The following NKIRAS2 variants were observed in gnomAD, a reference collection of about 807,000 sequenced individuals.
NKIRAS2 encodes NFKB inhibitor interacting Ras like 2.
Under a neutral mutation model 20.7 loss-of-function variants are expected in NKIRAS2, and 15 were observed. The ratio of observed to expected loss-of-function variants is 0.73; its 90% CI spans 0.49 to 1.12. The LOEUF (loss-of-function observed/expected upper bound fraction) is 1.12, where lower values mean the gene tolerates loss of function less well. Ranked by LOEUF, NKIRAS2 falls within the 50% of genes most tolerant of loss-of-function variation. NKIRAS2 has a pLI of 0.00. For missense variants in NKIRAS2, 196 were observed against 249.6 expected (o/e 0.79, Z 1.45); for synonymous variants, 116 against 101.4 (o/e 1.14, Z -0.87).
In NKIRAS2 at chr17:42,023,959, T is replaced by G. The variant is rs2052519796; in HGVS notation, c.*66T>G. ...GTGTCTGGGGCTCTGGTAGATGTGT[T>G]GAGGGCAAAGTAGAGGACAAGCTGT... On this transcript the variant is annotated 3_prime_UTR_variant, in exon 4 of 4. Transcript: ENST00000393885. 1 of 1,581,412 alleles carries G rather than the reference T, an allele frequency of 6.3e-7. No individual in the cohort carries two copies. Among genetic ancestry groups the G allele is most frequent in the Non-Finnish European group, 8.6e-7 (1 of 1,164,192 alleles).
chr17:42,022,678 C>T, intron 3 of NKIRAS2, 38 bp downstream of exon 3: 1 of 1,588,110 alleles, frequency 6.3e-7, no homozygotes, highest in Non-Finnish European at 8.6e-7. Context: ...CCTCAGTGGT[C>T]AGAGAGTTTG....
upstream of NKIRAS2, among the ~76,000 whole-genome samples, chr17:42,018,220 G>T (rs1281370740): frequency 6.6e-6 from 1 of 152,050 alleles, no homozygotes; most frequent in African/African-American, 2.4e-5. Context: ...TACTCATCAC[G>T]CTTGCCTTGC....
chr17:42,018,286 T>C (rs1555652373), upstream of NKIRAS2, among the ~76,000 whole-genome samples: 3 of 152,148 alleles, frequency 2.0e-5, no homozygotes, highest in Non-Finnish European at 4.4e-5. Flanking sequence ...TTAACTGTCT[T>C]TGTTGTTATT....
intron 2 of NKIRAS2, chr17:42,021,986 G>A: frequency 1.7e-6 from 1 of 582,268 alleles, no homozygotes; most frequent in Non-Finnish European, 3.3e-6. Flanking sequence ...GAGGCGGGTG[G>A]ATCACCTCAG....
intron 2 of NKIRAS2, 21 bp downstream of exon 2, chr17:42,021,692 A>G (rs781867891): frequency 5.8e-5 from 92 of 1,591,700 alleles, no homozygotes; most frequent in Admixed American, 8.3e-5. Flanking sequence ...TTGGAGGGGG[A>G]GGAACAGTGG....
Position 42,023,730 on chromosome 17 carries a change from G to A in NKIRAS2, c.413G>A (p.Trp138Ter). 2.5e-6 allele frequency: 4 copies of A among 1,614,158 alleles called. No homozygotes were observed. The highest frequency in any genetic ancestry group is 3.4e-6 in the Non-Finnish European group (4 of 1,180,026). The change falls in exon 4 of 4, where the codon TGG becomes TAG. Residue 138 changes from tryptophan to a stop codon, truncating the protein, a stop_gained. Transcript: ENST00000393885. LOFTEE classifies it high-confidence loss of function. ...GTAGACCCAGATGTGGCTCAGCACT[G>A]GGCCAAGTCAGAGAAGGTGAAGCTG... ...RRVDPDVAQH[W>*]AKSEKVKLWE...
Position 42,023,823 on chromosome 17 carries a change from C to G in NKIRAS2, c.506C>G (p.Thr169Arg). Residue 169 changes from threonine to arginine, a missense_variant, in exon 4 of 4, where the codon ACG becomes AGG. By Grantham distance (71) the Thr-to-Arg change is moderately conservative (BLOSUM62 -1). Coordinates refer to ENST00000393885, the MANE Select transcript of NKIRAS2 (RefSeq NM_017595.6). ...TTTGTCTACTTGGCCAGCAAGATGA[C>G]GCAACCCCAGAGCAAGTCTGCCTTC... ...EPFVYLASKM[T>R]QPQSKSAFPL... is the part of the protein sequence containing the mutation. 1 of 1,614,124 alleles carries G rather than the reference C, an allele frequency of 6.2e-7. No homozygotes were observed. Among genetic ancestry groups the G allele is most frequent in the Non-Finnish European group, 8.5e-7 (1 of 1,180,022 alleles).
At position 42,022,475 on chromosome 17, in the gene NKIRAS2, G is replaced by A; in HGVS notation, c.171G>A (p.Val57=). The A allele has an allele frequency of 6.2e-7, 1 of 1,613,594 alleles. No individual in the cohort carries two copies. Among genetic ancestry groups the A allele is most frequent in the Non-Finnish European group, 8.5e-7 (1 of 1,179,558 alleles). The change falls in exon 3 of 4, where the codon GTG becomes GTA. Residue 57 remains valine, a synonymous_variant. Transcript: ENST00000393885. ...IETDRGVREQ[V]RFYDTRGLRD... ...CAGACCGGGGGGTGCGAGAGCAGGTGCGTTTCTATGACACCCGGGGGCTCC... is the reference window on the plus strand; with the variant it reads ...CAGACCGGGGGGTGCGAGAGCAGGTACGTTTCTATGACACCCGGGGGCTCC...
chr17:42,022,371 T>G (rs782765413), intron 2 of NKIRAS2, 28 bp from the exon 3 acceptor site: 23 of 1,550,252 alleles, frequency 1.5e-5, no homozygotes, highest in Non-Finnish European at 1.8e-5. Flanking sequence ...CTCTCTCCAC[T>G]TCAGACAGTT....
chr17:42,023,495 A>G (rs1012022816), intron 3 of NKIRAS2, among the ~76,000 whole-genome samples, 159 bp from the exon 4 acceptor site: 1 of 152,178 alleles, frequency 6.6e-6, no homozygotes, highest in African/African-American at 2.4e-5. Context: ...AAAAGCAACC[A>G]TCTCCTTCCC....
chr17:42,018,481 G>A (rs1555652409), upstream of NKIRAS2: 1 of 152,224 alleles, frequency 6.6e-6, no homozygotes, highest in Non-Finnish European at 1.5e-5. Context: ...CTCATACTCT[G>A]CCTATCCCAG....
At chr17:42,021,210 C>T (rs1470260139) in intron 1 of NKIRAS2, 1 of 231,032 alleles carries the variant, frequency 4.3e-6, no homozygotes, top group Non-Finnish European at 8.8e-6. Context: ...GGAACCTGGC[C>T]CAGTGGCCAG....
rs1555653597 is a variant in NKIRAS2, at chr17:42,023,761, G to A, written c.444G>A (p.Glu148=). The change falls in exon 4 of 4, where the codon GAG becomes GAA. Residue 148 remains glutamate (E), a synonymous_variant. Coordinates refer to ENST00000393885, the MANE Select transcript of NKIRAS2 (RefSeq NM_017595.6). ...WAKSEKVKLW[E]VSVADRRSLL... ...AGTCAGAGAAGGTGAAGCTGTGGGAGGTGTCAGTGGCGGACCGGCGCTCCC... is the reference window on the plus strand; with the variant it reads ...AGTCAGAGAAGGTGAAGCTGTGGGAAGTGTCAGTGGCGGACCGGCGCTCCC... 5 of 1,614,140 alleles carry A rather than the reference G, an allele frequency of 3.1e-6. No individual in the cohort carries two copies. In the South Asian group the frequency reaches 5.5e-5, roughly 18 times the overall value.
chr17:42,020,390 G>C (rs550917794), intron 1 of NKIRAS2, 186 bp downstream of exon 1: 2 of 152,574 alleles, frequency 1.3e-5, no homozygotes, highest in South Asian at 4.1e-4. Context: ...ATGGAGAGGG[G>C]GTCTGTGTCA....
Position 42,024,461 on chromosome 17 carries a change from G to T in NKIRAS2, c.*568G>T, listed in dbSNP as rs1356112645. ...TGGAAGAAGTTGGCCTCCTGGGAGT[G>T]TAGTTTTCTGTTTTAAATCCCCCAC... is the stretch of plus-strand genomic sequence containing the variant. On this transcript the variant is annotated 3_prime_UTR_variant, in exon 4 of 4. Transcript: ENST00000393885. 1.3e-5 allele frequency: 2 copies of T among 155,664 alleles called. No individual in the cohort carries two copies. 9.6% of individuals were successfully genotyped at this position (155,664 alleles called of 1,614,324 possible).
At chr17:42,017,680 G>C, upstream of NKIRAS2, 1 of 576,512 alleles carries the variant, frequency 1.7e-6, no homozygotes, top group South Asian at 2.0e-5. Flanking sequence ...TGTACCGGTG[G>C]TAGCCTCTCT....
chr17:42,022,358 T>C (rs199888077), intron 2 of NKIRAS2, 41 bp from the exon 3 acceptor site: 1 of 1,531,444 alleles, frequency 6.5e-7, no homozygotes, highest in Non-Finnish European at 8.8e-7. Flanking sequence ...ACATTTCCCA[T>C]CTCTCTCTCC....
At position 42,023,698 on chromosome 17, in the gene NKIRAS2, G is replaced by A. The variant is rs1555653567; in HGVS notation, c.381G>A (p.Gln127=). The change falls in exon 4 of 4, where the codon CAG becomes CAA. Residue 127 remains glutamine, a synonymous_variant. Coordinates refer to ENST00000393885, the MANE Select transcript of NKIRAS2 (RefSeq NM_017595.6). The part of the protein sequence containing the change: ...VLGNKCDLQE[Q]RRVDPDVAQH... ...GCAACAAGTGTGACTTACAGGAGCA[G>A]CGGCGTGTAGACCCAGATGTGGCTC... 2.0e-5 allele frequency: 33 copies of A among 1,614,204 alleles called. No homozygotes were observed. The highest frequency in any genetic ancestry group is 2.8e-5 in the Non-Finnish European group (33 of 1,180,040).
upstream of NKIRAS2, among the ~76,000 whole-genome samples, chr17:42,019,301 C>A (rs921204477): frequency 2.0e-5 from 3 of 151,822 alleles, no homozygotes; most frequent in Non-Finnish European, 2.9e-5. Context: ...AACAACAAAA[C>A]AACAGAAAAA....
Sources: gnomAD v4.1 joint callset for allele counts (sites outside exome capture counted in the v4.1 genomes callset) on GRCh38, gnomAD v4.1.1 for gene constraint, MANE v1.5 for transcripts, NCBI Gene and HGNC (gene_info 2026-07-23, HGNC 2026-07-21) for gene names.